The following TIAM1 variants were observed in gnomAD, a reference collection of about 807,000 sequenced individuals.
TIAM1 encodes rho guanine nucleotide exchange factor TIAM1.
In TIAM1, 65 loss-of-function variants were observed where a neutral mutation model predicts 163.5. The ratio of observed to expected loss-of-function variants is 0.40; its 90% CI spans 0.33 to 0.49. The LOEUF (loss-of-function observed/expected upper bound fraction) is 0.49. TIAM1 is among the 20% of genes least tolerant of loss of function. TIAM1 has a pLI of 0.77. For missense variants in TIAM1, 1,789 were observed against 2,044.7 expected (o/e 0.87, Z 2.41); for synonymous variants, 833 against 810.1 (o/e 1.03, Z -0.48).
At chr21:31,400,218 C>A (rs141601746) in intron 2 of TIAM1, among the ~76,000 whole-genome samples, 315 of 152,154 alleles carry the variant, frequency 2.1e-3, no homozygotes, top group African/African-American at 7.3e-3. Context: ...ACCTCCACCC[C>A]CTGGGTTCAA....
chr21:31,351,312 C>T (rs2076230697), intron 2 of TIAM1, among the ~76,000 whole-genome samples: 1 of 152,182 alleles, frequency 6.6e-6, no homozygotes, highest in Non-Finnish European at 1.5e-5. Context: ...GCCCAGTACC[C>T]AGGTCAACAG....
chr21:31,531,577 A>G (rs2047971663), intron 1 of TIAM1, among the ~76,000 whole-genome samples: 1 of 152,200 alleles, frequency 6.6e-6, no homozygotes, highest in Non-Finnish European at 1.5e-5. Context: ...ACAGTAGCAT[A>G]CATTATAGAA....
rs2081921018 is a variant in TIAM1, at chr21:31,119,438, C to G, written c.*930G>C. ...ACCGGGGTGTCATGTTTAATCCAAC[C>G]AAACTCCCATCTCAAATATAGATTC... On this transcript the variant is annotated 3_prime_UTR_variant, in exon 28 of 28. Coordinates refer to ENST00000541036, the MANE Select transcript of TIAM1 (RefSeq NM_001353694.2). The G allele has an allele frequency of 6.6e-6, 1 of 151,756 alleles. No homozygotes were observed. Among genetic ancestry groups the G allele is most frequent in the Admixed American group, 6.6e-5 (1 of 15,164 alleles). 9.4% of individuals were successfully genotyped at this position (151,756 alleles called of 1,614,324 possible).
chr21:31,205,904 G>A (rs543784652), intron 11 of TIAM1, among the ~76,000 whole-genome samples: 1 of 152,146 alleles, frequency 6.6e-6, no homozygotes, highest in South Asian at 2.1e-4. Flanking sequence ...GGAGGGCAAG[G>A]CTGCAGTGAG....
At chr21:31,550,989 G>A (rs2048665983) in intron 1 of TIAM1, among the ~76,000 whole-genome samples, 1 of 151,768 alleles carries the variant, frequency 6.6e-6, no homozygotes, top group Non-Finnish European at 1.5e-5. Flanking sequence ...GAGGAGAGTG[G>A]ATCATGAGGT....
At chr21:31,326,288 T>TG (rs1244366652) in intron 2 of TIAM1, among the ~76,000 whole-genome samples, 1 of 152,232 alleles carries the variant, frequency 6.6e-6, no homozygotes, top group African/African-American at 2.4e-5. Context: ...GGTCCTCTCC[T>TG]GTCTTCCTGT....
intron 1 of TIAM1, among the ~76,000 whole-genome samples, chr21:31,520,613 A>G (rs1286193824): frequency 6.6e-6 from 1 of 152,228 alleles, no homozygotes; most frequent in African/African-American, 2.4e-5. Flanking sequence ...TCCTGTGGCA[A>G]TGACCTTCCC....
At chr21:31,279,411 G>A (rs1467027267) in intron 2 of TIAM1, among the ~76,000 whole-genome samples, 1 of 152,170 alleles carries the variant, frequency 6.6e-6, no homozygotes, top group Non-Finnish European at 1.5e-5. Context: ...TGCCACCATG[G>A]CAATTTGGGA....
At chr21:31,200,939 A>C (rs1397021924) in intron 12 of TIAM1, among the ~76,000 whole-genome samples, 3 of 152,230 alleles carry the variant, frequency 2.0e-5, no homozygotes, top group Non-Finnish European at 2.9e-5. Flanking sequence ...CCTGTACTTA[A>C]GATTCTTTTA....
intron 1 of TIAM1, among the ~76,000 whole-genome samples, chr21:31,515,839 G>C (rs1214318451): frequency 2.6e-5 from 4 of 152,154 alleles, no homozygotes; most frequent in Non-Finnish European, 5.9e-5. Context: ...CTGGACACAT[G>C]GCTCACACCT....
At position 31,511,640 on chromosome 21, in the gene TIAM1, C is replaced by G. The variant is rs561147723; in HGVS notation, c.-422+47287G>C. Among the ~76,000 whole-genome samples, 15 of 152,276 alleles carry G rather than the reference C, an allele frequency of 9.9e-5. No individual in the cohort carries two copies. In the South Asian group the frequency reaches 2.7e-3, roughly 27 times the overall value. On this transcript the variant is annotated intron_variant, in intron 1 of 28. Coordinates refer to the TIAM1 transcript ENST00000286827. ...AAGTCCTGACAAAGAGTTATGTCAC[C>G]GACGTATGCTTCTCTCAGTTGTATG...
intron 1 of TIAM1, among the ~76,000 whole-genome samples, chr21:31,552,126 C>T (rs1485486114): frequency 2.9e-5 from 4 of 137,982 alleles, no homozygotes; most frequent in Admixed American, 8.2e-5. Context: ...GGCGTGATCT[C>T]GGCTCACTGC....
chr21:31,389,003 T>C (rs1225491324), intron 2 of TIAM1, among the ~76,000 whole-genome samples: 3 of 152,206 alleles, frequency 2.0e-5, no homozygotes, highest in Non-Finnish European at 4.4e-5. Flanking sequence ...ATTTCAGGCC[T>C]TCCTGGCCAT....
At chr21:31,333,514 T>C (rs1278282986) in intron 2 of TIAM1, among the ~76,000 whole-genome samples, 1 of 152,178 alleles carries the variant, frequency 6.6e-6, no homozygotes, top group Non-Finnish European at 1.5e-5. Flanking sequence ...CATGGCTCAC[T>C]GCAGCCTCAA....
intron 2 of TIAM1, among the ~76,000 whole-genome samples, chr21:31,327,394 C>T (rs1302371607): frequency 6.6e-6 from 1 of 152,056 alleles, no homozygotes; most frequent in Non-Finnish European, 1.5e-5. Context: ...AATCTCAACA[C>T]TTTGGGAGGC....
intron 2 of TIAM1, among the ~76,000 whole-genome samples, chr21:31,284,419 G>A (rs1312822476): frequency 6.6e-6 from 1 of 152,180 alleles, no homozygotes; most frequent in African/African-American, 2.4e-5. Flanking sequence ...AACAGGCACA[G>A]GAGGAAGCCA....
chr21:31,468,138 T>C (rs1261812729), intron 1 of TIAM1, among the ~76,000 whole-genome samples: 1 of 151,108 alleles, frequency 6.6e-6, no homozygotes, highest in African/African-American at 2.4e-5. Context: ...CCTTTCTTGA[T>C]CTCAAAAGTG....
intron 2 of TIAM1, among the ~76,000 whole-genome samples, chr21:31,304,612 A>G (rs1176253772): frequency 6.6e-6 from 1 of 152,224 alleles, no homozygotes; most frequent in Non-Finnish European, 1.5e-5. Flanking sequence ...AAAATTCAAT[A>G]AGACAAAAAG....
At chr21:31,552,283 G>A (rs2048718560) in intron 1 of TIAM1, among the ~76,000 whole-genome samples, 2 of 151,720 alleles carry the variant, frequency 1.3e-5, no homozygotes, top group South Asian at 2.1e-4. Flanking sequence ...CAATCAAATC[G>A]AACTTTGCAT....
Sources: allele counts gnomAD v4.1 joint callset (sites outside exome capture counted in the v4.1 genomes callset), GRCh38; gene constraint gnomAD v4.1.1; transcripts MANE v1.5; gene names NCBI Gene and HGNC (gene_info 2026-07-23, HGNC 2026-07-21).